The following NRG3 variants were observed in gnomAD, a reference collection of about 807,000 sequenced individuals.
NRG3 encodes pro-neuregulin-3, membrane-bound isoform.
Under a neutral mutation model 66.9 loss-of-function variants are expected in NRG3, and 31 were observed. That is an observed-to-expected ratio of 0.46 (90% CI 0.35 to 0.63). The LOEUF (loss-of-function observed/expected upper bound fraction) is 0.63, where lower values mean the gene tolerates loss of function less well. Ranked by LOEUF, NRG3 falls within the 20% of genes least tolerant of loss-of-function variation. NRG3 has a pLI of 0.00. For synonymous variants in NRG3, 393 were observed against 359.4 expected, an observed-to-expected ratio of 1.09 and a Z score of -1.06; for missense variants, 910 against 878.9, an observed-to-expected ratio of 1.04 and a Z score of -0.45.
intron 2 of NRG3, among the ~76,000 whole-genome samples, chr10:82,395,850 C>T (rs974400524): frequency 6.6e-6 from 1 of 152,126 alleles, no homozygotes; most frequent in African/African-American, 2.4e-5. Flanking sequence ...ATTATTGCCC[C>T]ATGACCTTTA....
intron 1 of NRG3, among the ~76,000 whole-genome samples, chr10:81,941,047 T>C (rs1482976410): frequency 6.6e-6 from 1 of 152,048 alleles, no homozygotes; most frequent in Non-Finnish European, 1.5e-5. Flanking sequence ...AAATGAAGCT[T>C]TAAAAGTTTA....
chr10:82,893,640 A>C (rs1843381572), intron 4 of NRG3, among the ~76,000 whole-genome samples: 1 of 152,282 alleles, frequency 6.6e-6, no homozygotes, highest in Admixed American at 6.5e-5. Context: ...GTGAACTAAG[A>C]TCGTGCCACT....
intron 5 of NRG3, 138 bp downstream of exon 5, chr10:82,951,709 C>A (rs556321314): frequency 1.0e-5 from 7 of 681,080 alleles, no homozygotes; most frequent in East Asian, 2.7e-5. Context: ...TGACTTAGGA[C>A]ATTTTTGTAA....
At chr10:82,086,968 A>G (rs2065764319) in intron 1 of NRG3, among the ~76,000 whole-genome samples, 1 of 152,170 alleles carries the variant, frequency 6.6e-6, no homozygotes, top group Non-Finnish European at 1.5e-5. Context: ...GAACAGCTGT[A>G]TATATAACCA....
chr10:82,389,926 G>A (rs544716090), intron 2 of NRG3, among the ~76,000 whole-genome samples: 2 of 152,246 alleles, frequency 1.3e-5, no homozygotes, highest in East Asian at 1.9e-4. Flanking sequence ...AGGCCTATTA[G>A]AGCGGCTACT....
chr10:81,936,173 T>C (rs1431082084), intron 1 of NRG3, among the ~76,000 whole-genome samples: 2 of 152,036 alleles, frequency 1.3e-5, no homozygotes, highest in African/African-American at 4.8e-5. Flanking sequence ...GGGAAAAAAC[T>C]GAAATGAGAA....
chr10:82,577,242 ACT>A (rs1412963512), intron 2 of NRG3, among the ~76,000 whole-genome samples: 1 of 151,566 alleles, frequency 6.6e-6, no homozygotes, highest in Non-Finnish European at 1.5e-5. Flanking sequence ...TTTTATAATA[ACT>A]CTGCATTTTA....
At chr10:82,294,434 AGTGTGT>A (rs35072007) in intron 1 of NRG3, among the ~76,000 whole-genome samples, 18,466 of 149,090 alleles carry the variant, frequency 0.12, 2,951 homozygotes, top group African/African-American at 0.36. Context: ...CTACTGATGA[AGTGTGT>A]GTGTGTGTGT....
chr10:81,961,358 C>G (rs1033487629), intron 1 of NRG3, among the ~76,000 whole-genome samples: 4 of 152,110 alleles, frequency 2.6e-5, no homozygotes, highest in African/African-American at 9.7e-5. Context: ...AGCCCACTCC[C>G]CAGTATCACA....
chr10:82,954,071 C>T (rs1339687188), intron 5 of NRG3, among the ~76,000 whole-genome samples: 1 of 151,756 alleles, frequency 6.6e-6, no homozygotes, highest in African/African-American at 2.4e-5. Flanking sequence ...CACACTAGAA[C>T]TTGGAGGCTG....
At chr10:82,642,096 T>A (rs138706615) in intron 2 of NRG3, among the ~76,000 whole-genome samples, 2 of 152,276 alleles carry the variant, frequency 1.3e-5, no homozygotes, top group African/African-American at 4.8e-5. Context: ...TGTGAGAACA[T>A]GCGGTACTTT....
intron 2 of NRG3, among the ~76,000 whole-genome samples, chr10:82,388,196 A>G (rs1409939403): frequency 1.3e-5 from 2 of 152,116 alleles, no homozygotes; most frequent in Non-Finnish European, 2.9e-5. Context: ...AAAAAACATT[A>G]TGGGACTCTC....
At chr10:81,999,473 T>C (rs968289959) in intron 1 of NRG3, among the ~76,000 whole-genome samples, 1 of 152,212 alleles carries the variant, frequency 6.6e-6, no homozygotes, top group Admixed American at 6.5e-5. Flanking sequence ...TGACATTTTA[T>C]TATATTAATT....
At chr10:82,167,106 T>G in intron 1 of NRG3, among the ~76,000 whole-genome samples, 1 of 152,088 alleles carries the variant, frequency 6.6e-6, no homozygotes, top group Middle Eastern at 3.2e-3. Flanking sequence ...AATTATTTTT[T>G]CAAATGTGGC....
intron 2 of NRG3, among the ~76,000 whole-genome samples, chr10:82,668,698 C>A (rs1473014537): frequency 6.6e-6 from 1 of 152,158 alleles, no homozygotes; most frequent in African/African-American, 2.4e-5. Flanking sequence ...CCATCAGCAG[C>A]TGTTGCGTCC....
chr10:82,693,742 G>A (rs544311274), intron 2 of NRG3, among the ~76,000 whole-genome samples: 7 of 152,156 alleles, frequency 4.6e-5, no homozygotes, highest in Admixed American at 3.9e-4. Flanking sequence ...TCCTTCTGGT[G>A]GGTTCACTGA....
intron 2 of NRG3, among the ~76,000 whole-genome samples, chr10:82,556,186 C>T (rs2044637698): frequency 6.6e-6 from 1 of 152,110 alleles, no homozygotes; most frequent in Non-Finnish European, 1.5e-5. Context: ...CACAATCTAA[C>T]TTGAAGCCTA....
chr10:82,781,972 G>A (rs1441360672), intron 3 of NRG3, among the ~76,000 whole-genome samples: 2 of 151,954 alleles, frequency 1.3e-5, no homozygotes, highest in Admixed American at 6.6e-5. Flanking sequence ...CTTTCCACTC[G>A]TCCAGTGTAT....
At chr10:82,430,946 T>A (rs2089765820) in intron 2 of NRG3, among the ~76,000 whole-genome samples, 1 of 152,172 alleles carries the variant, frequency 6.6e-6, no homozygotes, top group Admixed American at 6.5e-5. Context: ...TGTGAGATGT[T>A]ATGACATTTT....
Sources: allele counts gnomAD v4.1 joint callset (sites outside exome capture counted in the v4.1 genomes callset), GRCh38; gene constraint gnomAD v4.1.1; transcripts MANE v1.5; gene names NCBI Gene and HGNC (gene_info 2026-07-23, HGNC 2026-07-21).